Variants in PCDHGB2 observed in about 807,000 individuals in gnomAD.
PCDHGB2 encodes protocadherin gamma subfamily B, 2.
PCDHGB2 carries 55 observed loss-of-function variants against 59.3 expected under a neutral mutation model. The observed-to-expected ratio is 0.93, with a 90% CI of 0.75 to 1.16. The LOEUF (loss-of-function observed/expected upper bound fraction) is 1.16. PCDHGB2 is among the 50% of genes most tolerant of loss of function. The probability of loss-of-function intolerance (pLI) is 0.00; values close to 1 mark genes in which losing one functional copy is unlikely to be tolerated. For synonymous variants in PCDHGB2, 516 were observed against 512.0 expected (o/e 1.01, Z -0.11); for missense variants, 1,228 against 1,198.5 (o/e 1.02, Z -0.36).
chr5:141,360,394 A>G lies in PCDHGB2; in HGVS notation c.259A>G (p.Ser87Gly). 8 of 1,613,932 alleles carry G rather than the reference A, an allele frequency of 5.0e-6. No homozygotes were observed. Among genetic ancestry groups the G allele is most frequent in the Non-Finnish European group, 6.8e-6 (8 of 1,179,836 alleles). ...VNPESGDLLV[S>G]DRIDREQICG... The stretch of plus-strand genomic sequence containing the variant: ...CCCAGAAAGCGGAGACTTACTTGTG[A>G]GTGACAGAATAGACCGAGAACAGAT... The change falls in exon 1 of 4, where the codon AGT becomes GGT. Residue 87 changes from serine to glycine, a missense_variant. By Grantham distance (56) the Ser-to-Gly change is moderately conservative. Coordinates refer to ENST00000522605, the MANE Select transcript of PCDHGB2 (RefSeq NM_018923.3).
chr5:141,487,237 T>G lies in PCDHGB2; in HGVS notation c.2422-7570T>G, dbSNP rs1327004790. ...CAGCTCCAAGGGAAGGAGAATCTCGTCTAACCCTCTACTTGGCTGTGTCCC... is the reference window on the plus strand; with the variant it reads ...CAGCTCCAAGGGAAGGAGAATCTCGGCTAACCCTCTACTTGGCTGTGTCCC... On this transcript the variant is annotated intron_variant, in intron 1 of 3. Transcript: ENST00000522605. This position sits in a 1 kb window ranked among gnomAD's most constrained non-coding sequence, Gnocchi z 5.0. 1.2e-6 allele frequency: 2 copies of G among 1,614,004 alleles called. No individual in the cohort carries two copies. The highest frequency in any genetic ancestry group is 1.7e-6 in the Non-Finnish European group (2 of 1,179,988).
chr5:141,438,619 TATATATATATATATATACAC>T (rs1310378007), intron 1 of PCDHGB2, among the ~76,000 whole-genome samples: 16 of 39,678 alleles, frequency 4.0e-4, no homozygotes, highest in African/African-American at 1.2e-3. Flanking sequence ...TATATATATA[TATATATATATATATATACAC>T]ACACACACAC....
chr5:141,499,012 G>GGAAGGAAT, intron 2 of PCDHGB2, among the ~76,000 whole-genome samples: 1 of 147,618 alleles, frequency 6.8e-6, no homozygotes. Context: ...AAGGAAGGAA[G>GGAAGGAAT]GAAGGAAGGA....
At chr5:141,456,044 C>T (rs1307913066) in intron 1 of PCDHGB2, among the ~76,000 whole-genome samples, 2 of 151,826 alleles carry the variant, frequency 1.3e-5, no homozygotes, top group African/African-American at 2.4e-5. Context: ...ACTACAGGCG[C>T]CCACCACCAC....
chr5:141,376,169 G>A (rs779538880), intron 1 of PCDHGB2: 6 of 1,614,106 alleles, frequency 3.7e-6, no homozygotes, highest in African/African-American at 2.7e-5. Context: ...CCTGGTGGTG[G>A]CGGTGGCCGC....
chr5:141,432,374 C>T lies in PCDHGB2; in HGVS notation c.2422-62433C>T. The T allele has an allele frequency of 6.2e-7, 1 of 1,614,240 alleles. No individual in the cohort carries two copies. The highest frequency in any genetic ancestry group is 1.1e-5 in the South Asian group (1 of 91,082). ...GAAAGTGATGGCGCGGGACAACGGG[C>T]ACCCGCCCCTCAGCAGCAACGTGTC... On this transcript the variant is annotated intron_variant, in intron 1 of 3. Transcript: ENST00000522605. The surrounding 1 kb of genome is among the most constrained non-coding windows in gnomAD (Gnocchi z 6.0).
At chr5:141,389,691 T>A in intron 1 of PCDHGB2, 1 of 1,612,564 alleles carries the variant, frequency 6.2e-7, no homozygotes, top group Non-Finnish European at 8.5e-7. Flanking sequence ...CGCCTGGCTG[T>A]CCTACCACGT....
rs73280920 is a variant in PCDHGB2 at position 141,453,809 on chromosome 5, A to G, written c.2422-40998A>G. Among the ~76,000 whole-genome samples, 1,254 of 152,338 alleles carry G rather than the reference A, an allele frequency of 8.2e-3. 17 individuals carry two copies. Among genetic ancestry groups the G allele is most frequent in the African/African-American group, 0.029 (1,191 of 41,572 alleles). On this transcript the variant is annotated intron_variant, in intron 1 of 3. Coordinates refer to ENST00000522605, the MANE Select transcript of PCDHGB2 (RefSeq NM_018923.3). ...GTATATTAACTTTGAGTAGTTCCATAAAGGACAAACTTGGCTGCTAGCCCT... is the reference window on the plus strand; with the variant it reads ...GTATATTAACTTTGAGTAGTTCCATGAAGGACAAACTTGGCTGCTAGCCCT...
rs758181180 is a variant in PCDHGB2 at position 141,485,483 on chromosome 5, G to T, written c.2422-9324G>T. The T allele has an allele frequency of 1.9e-6, 3 of 1,614,106 alleles. No homozygotes were observed. The highest frequency in any genetic ancestry group is 2.5e-6 in the Non-Finnish European group (3 of 1,180,022). ...GTGTGGGCTCAGTGCCAGCTGCATC[G>T]TGCCCCTGGAGTTTGTCACCGAAGG... On this transcript the variant is annotated intron_variant, in intron 1 of 3. Coordinates refer to ENST00000522605, the MANE Select transcript of PCDHGB2 (RefSeq NM_018923.3). The surrounding 1 kb of genome is among the most constrained non-coding windows in gnomAD (Gnocchi z 5.7).
intron 1 of PCDHGB2, chr5:141,399,412 T>A: frequency 6.2e-7 from 1 of 1,613,948 alleles, no homozygotes; most frequent in Non-Finnish European, 8.5e-7. Flanking sequence ...GCCGCCCCTC[T>A]CCTCCAGCAT....
rs749781059 is a variant in PCDHGB2 at position 141,477,983 on chromosome 5, C to G, written c.2422-16824C>G. On this transcript the variant is annotated intron_variant, in intron 1 of 3. Coordinates refer to ENST00000522605, the MANE Select transcript of PCDHGB2 (RefSeq NM_018923.3). This position sits in a 1 kb window ranked among gnomAD's most constrained non-coding sequence, Gnocchi z 4.9. ...TAACCAGAGCCTTTTTGCCATAGGG[C>G]TGCACACTGGTCAAATCAGTACTGC... The G allele has an allele frequency of 1.7e-5, 27 of 1,614,126 alleles. No homozygotes were observed. The highest frequency in any genetic ancestry group is 2.3e-5 in the Non-Finnish European group (27 of 1,180,024).
chr5:141,404,004 C>T (rs1219625288), intron 1 of PCDHGB2: 3 of 1,613,842 alleles, frequency 1.9e-6, no homozygotes, highest in Non-Finnish European at 2.5e-6. Flanking sequence ...ACCATTACAT[C>T]TCTGTTTAGC....
At chr5:141,453,608 C>T (rs1015022396) in intron 1 of PCDHGB2, among the ~76,000 whole-genome samples, 6 of 152,068 alleles carry the variant, frequency 3.9e-5, no homozygotes, top group South Asian at 2.1e-4. Context: ...TTTTGCAAAA[C>T]GCAAAAACAA....
rs371139792 is a variant in PCDHGB2 at position 141,490,160 on chromosome 5, C to A, written c.2422-4647C>A. On this transcript the variant is annotated intron_variant, in intron 1 of 3. Transcript: ENST00000522605. This position sits in a 1 kb window ranked among gnomAD's most constrained non-coding sequence, Gnocchi z 5.4. The stretch of plus-strand genomic sequence containing the variant: ...AGTGGGGCAATCCATGTGTTGGGTC[C>A]CATAGACTTTGAGGAGTCACGTTTC... The A allele has an allele frequency of 5.6e-6, 9 of 1,614,192 alleles. No homozygotes were observed. The highest frequency in any genetic ancestry group is 7.6e-6 in the Non-Finnish European group (9 of 1,180,016).
At chr5:141,411,417 C>T (rs2095487286) in intron 1 of PCDHGB2, 1 of 148,614 alleles carries the variant, frequency 6.7e-6, no homozygotes, top group Non-Finnish European at 1.5e-5. Context: ...ACTAAAACAA[C>T]AACAACAAAA....
chr5:141,460,470 A>T (rs2098990057), intron 1 of PCDHGB2, among the ~76,000 whole-genome samples: 1 of 152,110 alleles, frequency 6.6e-6, no homozygotes, highest in South Asian at 2.1e-4. Flanking sequence ...TTTCCAAAGG[A>T]ATATCCAATT....
At chr5:141,451,091 G>A (rs2098706622) in intron 1 of PCDHGB2, among the ~76,000 whole-genome samples, 1 of 151,962 alleles carries the variant, frequency 6.6e-6, no homozygotes, top group South Asian at 2.1e-4. Context: ...ACCTCCCAAA[G>A]TGTTGGGATT....
At position 141,431,141 on chromosome 5, in the gene PCDHGB2, G is replaced by C. The variant is rs1262504427; in HGVS notation, c.2422-63666G>C. 1 of 1,614,094 alleles carries C rather than the reference G, an allele frequency of 6.2e-7. No individual in the cohort carries two copies. The highest frequency in any genetic ancestry group is 2.2e-5 in the East Asian group (1 of 44,896). On this transcript the variant is annotated intron_variant, in intron 1 of 3. Coordinates refer to ENST00000522605, the MANE Select transcript of PCDHGB2 (RefSeq NM_018923.3). The surrounding 1 kb of genome is among the most constrained non-coding windows in gnomAD (Gnocchi z 4.8). The stretch of plus-strand genomic sequence containing the variant: ...AGAAGTAGAAGTAAGGGACATTAAC[G>C]ACAATGCGCCTTACTTTCGTGAAAG...
Position 141,432,169 on chromosome 5 carries a change from C to T in PCDHGB2, c.2422-62638C>T. On this transcript the variant is annotated intron_variant, in intron 1 of 3. Transcript: ENST00000522605. The surrounding 1 kb of genome is among the most constrained non-coding windows in gnomAD (Gnocchi z 6.0). ...CAGAGAACAATCCCAGAGGAGTTTCCCTCGTCTCTGTGACCGCCCACGACC... is the reference window on the plus strand; with the variant it reads ...CAGAGAACAATCCCAGAGGAGTTTCTCTCGTCTCTGTGACCGCCCACGACC... The T allele has an allele frequency of 6.2e-7, 1 of 1,614,204 alleles. No homozygotes were observed. The highest frequency in any genetic ancestry group is 1.6e-4 in the Middle Eastern group (1 of 6,062).
Sources: allele counts gnomAD v4.1 joint callset (sites outside exome capture counted in the v4.1 genomes callset), GRCh38; gene constraint gnomAD v4.1.1; non-coding constraint Gnocchi (gnomAD v3.1); transcripts MANE v1.5; gene names NCBI Gene and HGNC (gene_info 2026-07-23, HGNC 2026-07-21).